ZFAT: variants seen among roughly 807,000 people sequenced by gnomAD.
The protein encoded by ZFAT is zinc finger and AT-hook domain containing.
ZFAT carries 64 observed loss-of-function variants against 117.7 expected under a neutral mutation model. The observed-to-expected ratio is 0.54, with a 90% CI of 0.44 to 0.67. The LOEUF (loss-of-function observed/expected upper bound fraction) is 0.67. Among genes scored for constraint, ZFAT ranks in the 30% least tolerant of loss-of-function variants. ZFAT has a pLI of 0.00. For missense variants in ZFAT, 1,433 were observed against 1,584.5 expected, an observed-to-expected ratio of 0.90 and a Z score of 1.62; for synonymous variants, 679 against 615.0, an observed-to-expected ratio of 1.10 and a Z score of -1.54.
At chr8:134,702,799 G>A (rs1052162575) in intron 1 of ZFAT, among the ~76,000 whole-genome samples, 6 of 152,000 alleles carry the variant, frequency 3.9e-5, no homozygotes, top group African/African-American at 1.5e-4. Flanking sequence ...AGCCTCCCGA[G>A]TAGCTGGGAC....
the ZFAT span, among the ~76,000 whole-genome samples, chr8:134,787,994 T>C: frequency 6.6e-6 from 1 of 152,162 alleles, no homozygotes; most frequent in Non-Finnish European, 1.5e-5. Flanking sequence ...CACAACCAGT[T>C]GTCTATAAAT....
the ZFAT span, among the ~76,000 whole-genome samples, chr8:134,779,202 A>AAAGAATACACACTTAGTG: frequency 2.0e-5 from 3 of 152,314 alleles, no homozygotes; most frequent in South Asian, 2.1e-4. Flanking sequence ...CATTCCCCGC[A>AAAGAATACACACTTAGTG]GGACAGTGAG....
intron 11 of ZFAT, among the ~76,000 whole-genome samples, chr8:134,557,792 A>G (rs979755870): frequency 6.6e-6 from 1 of 152,334 alleles, no homozygotes; most frequent in Non-Finnish European, 1.5e-5. Flanking sequence ...TGGACTATGC[A>G]CTCCAATTAA....
At chr8:134,620,185 T>C (rs186880228) in intron 3 of ZFAT, among the ~76,000 whole-genome samples, 103 of 152,356 alleles carry the variant, frequency 6.8e-4, no homozygotes, top group African/African-American at 2.4e-3. Context: ...CACCACAGCA[T>C]GCAAACACTG....
chr8:134,547,204 A>G (rs1171819312), intron 11 of ZFAT, among the ~76,000 whole-genome samples: 2 of 152,200 alleles, frequency 1.3e-5, no homozygotes, highest in African/African-American at 4.8e-5. Context: ...CCTAATGTTC[A>G]CGGCCCGGTC....
chr8:134,620,407 T>C (rs1829032768), intron 3 of ZFAT, among the ~76,000 whole-genome samples: 1 of 152,210 alleles, frequency 6.6e-6, no homozygotes, highest in Non-Finnish European at 1.5e-5. Flanking sequence ...AACTGCACAG[T>C]TGGCTCCCGG....
intron 5 of ZFAT, among the ~76,000 whole-genome samples, chr8:134,604,256 A>C (rs181449745): frequency 6.6e-6 from 1 of 152,336 alleles, no homozygotes; most frequent in Non-Finnish European, 1.5e-5. Context: ...CCCATGTTGT[A>C]CAGTTAGTAA....
the ZFAT span, among the ~76,000 whole-genome samples, chr8:134,822,630 T>TGGGC: frequency 6.6e-6 from 1 of 152,136 alleles, no homozygotes; most frequent in African/African-American, 2.4e-5. Context: ...AAAGTAAAGG[T>TGGGC]GGGCTAGAAG....
intron 1 of ZFAT, among the ~76,000 whole-genome samples, chr8:134,682,465 A>C (rs1428754417): frequency 6.6e-6 from 1 of 152,002 alleles, no homozygotes; most frequent in Admixed American, 6.6e-5. Flanking sequence ...AGACCACCTA[A>C]GGGACATGGC....
At chr8:134,585,085 G>T (rs1825975549) in intron 9 of ZFAT, among the ~76,000 whole-genome samples, 1 of 152,128 alleles carries the variant, frequency 6.6e-6, no homozygotes, top group Non-Finnish European at 1.5e-5. Flanking sequence ...ACTTATGTTT[G>T]GGTCATAGTT....
the ZFAT span, among the ~76,000 whole-genome samples, chr8:134,801,946 C>T: frequency 6.6e-6 from 1 of 152,188 alleles, no homozygotes; most frequent in African/African-American, 2.4e-5. Context: ...AAAGCACATT[C>T]TTATGTTCCA....
In ZFAT at chr8:134,520,999, C is replaced by A; in HGVS notation, c.3118G>T (p.Gly1040Cys). 6.2e-7 allele frequency: 1 copy of A among 1,610,718 alleles called. No individual in the cohort carries two copies. Among genetic ancestry groups the A allele is most frequent in the Non-Finnish European group, 8.5e-7 (1 of 1,178,316 alleles). Residue 1040 changes from glycine (G) to cysteine (C), a missense_variant and splice_region_variant, in exon 13 of 16, where the codon GGT becomes TGT. Physicochemically the swap from Gly to Cys is radical, Grantham distance 159. Coordinates refer to ENST00000377838, the MANE Select transcript of ZFAT (RefSeq NM_020863.4). Reference sequence around the variant, plus strand: ...AAGCTGCAAACAGGACACTTCAAACCACCTGAAAGCACAGACAGAGGTTAA... The same window carrying A: ...AAGCTGCAAACAGGACACTTCAAACAACCTGAAAGCACAGACAGAGGTTAA... ...LAAEVLIQQG[G>C]LKCPVCSFVY... is the part of the protein sequence containing the mutation.
In ZFAT at chr8:134,478,167, CTGTT is replaced by C; in HGVS notation, c.*311_*314del. ...AGATGCTGAGGGGGACTGGGAGTCT[CTGTT>C]TGAATCTTGAAGCAAGGGGTGAAGG... is the stretch of plus-strand genomic sequence containing the variant. On this transcript the variant is annotated 3_prime_UTR_variant, in exon 16 of 16. Coordinates refer to ENST00000377838, the MANE Select transcript of ZFAT (RefSeq NM_020863.4). This position sits in a 1 kb window ranked among gnomAD's most constrained non-coding sequence, Gnocchi z 5.2. 2.8e-6 allele frequency: 1 copy of C among 351,564 alleles called. No individual in the cohort carries two copies. The highest frequency in any genetic ancestry group is 5.8e-5 in the South Asian group (1 of 17,350). The allele number at this position is 351,564 out of a possible 1,614,324, so 21.8% of individuals were successfully genotyped here. A position where few individuals can be genotyped will look rare whatever the true frequency, so the allele number is the denominator to read the frequency against.
At chr8:134,800,322 C>A in the ZFAT span, among the ~76,000 whole-genome samples, 2 of 152,158 alleles carry the variant, frequency 1.3e-5, no homozygotes, top group African/African-American at 4.8e-5. Context: ...CCTACTGCAA[C>A]CATGCTTTCT....
chr8:134,484,807 T>C (rs1817555160), intron 15 of ZFAT, among the ~76,000 whole-genome samples: 1 of 152,192 alleles, frequency 6.6e-6, no homozygotes, highest in Non-Finnish European at 1.5e-5. Context: ...GTGATTATTA[T>C]TATTTTGAGA....
intron 11 of ZFAT, among the ~76,000 whole-genome samples, chr8:134,540,474 C>A (rs887170808): frequency 6.6e-6 from 1 of 152,202 alleles, no homozygotes; most frequent in Non-Finnish European, 1.5e-5. Flanking sequence ...CAAGAACATT[C>A]TCTTCCCTTC....
chr8:134,828,084 T>C, the ZFAT span, among the ~76,000 whole-genome samples: 1 of 152,242 alleles, frequency 6.6e-6, no homozygotes. Flanking sequence ...ATAAATCCAA[T>C]GTAATGTACT....
At chr8:134,693,853 T>C (rs749309087) in intron 1 of ZFAT, among the ~76,000 whole-genome samples, 3 of 152,154 alleles carry the variant, frequency 2.0e-5, no homozygotes, top group South Asian at 4.1e-4. Context: ...ACAGTAACTT[T>C]ACAGTGAAGA....
intron 12 of ZFAT, among the ~76,000 whole-genome samples, chr8:134,530,479 C>T (rs528047626): frequency 6.6e-6 from 1 of 152,314 alleles, no homozygotes; most frequent in African/African-American, 2.4e-5. Context: ...TCTGAGATTT[C>T]AAAACTGTGT....
Sources: allele counts gnomAD v4.1 joint callset (sites outside exome capture counted in the v4.1 genomes callset), GRCh38; gene constraint gnomAD v4.1.1; non-coding constraint Gnocchi (gnomAD v3.1); transcripts MANE v1.5; gene names NCBI Gene and HGNC (gene_info 2026-07-23, HGNC 2026-07-21).